TMEM243: variants seen among roughly 807,000 people sequenced by gnomAD.
The protein encoded by TMEM243 is transmembrane protein 243.
A neutral mutation model predicts 15.0 loss-of-function variants in TMEM243; 20 were observed. That is an observed-to-expected ratio of 1.33 (90% CI 0.94 to 1.93). The LOEUF (loss-of-function observed/expected upper bound fraction) is 1.93. TMEM243 is among the 30% of genes most tolerant of loss of function. The pLI is 0.00. For missense variants in TMEM243, 156 were observed against 142.1 expected, an observed-to-expected ratio of 1.10 and a Z score of -0.50; for synonymous variants, 72 against 52.7, an observed-to-expected ratio of 1.37 and a Z score of -1.59.
chr7:87,213,819 T>C (rs1415112680), intron 1 of TMEM243, among the ~76,000 whole-genome samples: 1 of 151,648 alleles, frequency 6.6e-6, no homozygotes, highest in African/African-American at 2.4e-5. Context: ...TAAAGGAAGA[T>C]ACTTTTGTCT....
chr7:87,203,175 AT>A (rs1406033374), intron 1 of TMEM243: 1 of 152,222 alleles, frequency 6.6e-6, no homozygotes, highest in Non-Finnish European at 1.5e-5. Context: ...TTCCATGGCA[AT>A]GTTTTGCCTA....
rs902766390 is a variant in TMEM243 at position 87,218,367 on chromosome 7, G to C, written c.78+1059C>G. Among the ~76,000 whole-genome samples the C allele has an allele frequency of 1.7e-4, 26 of 152,156 alleles. 1 individual carries two copies. Among genetic ancestry groups the C allele is most frequent in the Admixed American group, 1.4e-3 (22 of 15,282 alleles). On this transcript the variant is annotated intron_variant, in intron 1 of 3. Transcript: ENST00000257637. ...TATTAAAACATTTTGAGAAGAGAAA[G>C]TAAAATCCACGTGGAGTTTAAAAAA... is the stretch of plus-strand genomic sequence containing the variant.
chr7:87,199,006 C>T lies in TMEM243; in HGVS notation c.129+1G>A, dbSNP rs772322281. ...GTGAGGCACAAAATGAGGATACTTA[C>T]TAGAATCAATAAGGATGTTAAGCTG... On this transcript the variant is annotated splice_donor_variant, in intron 2 of 3. Transcript: ENST00000257637. LOFTEE classifies it high-confidence loss of function. 2.5e-6 allele frequency: 4 copies of T among 1,598,548 alleles called. No individual in the cohort carries two copies. The Admixed American group carries it at 5.3e-5, about 21-fold the overall frequency.
Position 87,201,582 on chromosome 7 carries a change from G to A in TMEM243, c.79-2525C>T, listed in dbSNP as rs563123312. On this transcript the variant is annotated intron_variant, in intron 1 of 3. Transcript: ENST00000257637. ...CCCAATCTCCAAAGAGGATAATAGA[G>A]AATAATTAAATAGCTAGTTAATTAA... 1.4e-4 allele frequency among the ~76,000 whole-genome samples: 21 copies of A among 152,268 alleles called. No individual in the cohort carries two copies. In the South Asian group the frequency reaches 4.3e-3, roughly 32 times the overall value.
intron 1 of TMEM243, among the ~76,000 whole-genome samples, chr7:87,209,755 CGAGACAGT>C (rs1802567134): frequency 3.3e-3 from 48 of 14,366 alleles, no homozygotes; most frequent in East Asian, 4.2e-3. Flanking sequence ...AGACACAGAG[CGAGACAGT>C]GAGAGCGAGA....
intron 1 of TMEM243, 38 bp downstream of exon 1, chr7:87,219,388 A>AC (rs752774438): frequency 3.1e-5 from 50 of 1,599,532 alleles, no homozygotes; most frequent in Middle Eastern, 1.7e-4. Flanking sequence ...CAGCAGACAC[A>AC]CCCCCCATCC....
At chr7:87,218,035 T>A (rs73210238) in intron 1 of TMEM243, among the ~76,000 whole-genome samples, 32 of 152,386 alleles carry the variant, frequency 2.1e-4, no homozygotes, top group Non-Finnish European at 4.0e-4. Context: ...AGGCACTCTC[T>A]TAGTTCTTGG....
intron 1 of TMEM243, among the ~76,000 whole-genome samples, chr7:87,215,817 G>A (rs926732745): frequency 2.6e-5 from 4 of 152,190 alleles, no homozygotes; most frequent in Admixed American, 6.5e-5. Context: ...TCTTACAAAA[G>A]ATGAACACCT....
At chr7:87,199,974 T>C (rs1306872175) in intron 1 of TMEM243, among the ~76,000 whole-genome samples, 1 of 152,150 alleles carries the variant, frequency 6.6e-6, no homozygotes, top group Admixed American at 6.5e-5. Flanking sequence ...GATAATGGTC[T>C]GAGCAGAGAA....
chr7:87,201,022 A>G (rs1272868846), intron 1 of TMEM243, among the ~76,000 whole-genome samples: 1 of 152,206 alleles, frequency 6.6e-6, no homozygotes, highest in East Asian at 1.9e-4. Flanking sequence ...ATATATCTAA[A>G]CTTTAATGAA....
At chr7:87,197,616 G>T (rs753741454) in intron 3 of TMEM243, 106 of 732,412 alleles carry the variant, frequency 1.4e-4, no homozygotes, top group Middle Eastern at 8.4e-4. Context: ...AAGACTGTTG[G>T]CCCTTACGTA....
chr7:87,197,573 A>C (rs1001833429), intron 3 of TMEM243: 7 of 453,012 alleles, frequency 1.5e-5, no homozygotes, highest in Non-Finnish European at 2.2e-5. Flanking sequence ...AGAGTGCTCT[A>C]TCTCTTCCCT....
At chr7:87,203,547 C>CA (rs986470340) in intron 1 of TMEM243, among the ~76,000 whole-genome samples, 27 of 149,978 alleles carry the variant, frequency 1.8e-4, no homozygotes, top group African/African-American at 6.7e-4. Context: ...TCCAGGAGGT[C>CA]AAGAGTGCAG....
In TMEM243 at chr7:87,209,926, TGAGA is replaced by T. The variant is rs1429656609; in HGVS notation, c.78+9496_78+9499del. ...AGTGAGAGACAGAGAGAGAGGACAG[TGAGA>T]GAGAAACAGGAGGGGGACAGAGAGA... On this transcript the variant is annotated intron_variant, in intron 1 of 3. Transcript: ENST00000257637. 1.5e-4 allele frequency among the ~76,000 whole-genome samples: 14 copies of T among 95,172 alleles called. No homozygotes were observed. The South Asian group carries it at 5.3e-3, about 36-fold the overall frequency. The allele number at this position is 95,172 out of a possible 152,430, so 62.4% of individuals were successfully genotyped here.
At chr7:87,208,452 A>G (rs1369569612) in intron 1 of TMEM243, among the ~76,000 whole-genome samples, 1 of 152,204 alleles carries the variant, frequency 6.6e-6, no homozygotes, top group Admixed American at 6.5e-5. Flanking sequence ...GTAGGTTCCC[A>G]TGGTTTTGGG....
chr7:87,208,072 G>A (rs1268390718), intron 1 of TMEM243, among the ~76,000 whole-genome samples: 1 of 152,210 alleles, frequency 6.6e-6, no homozygotes, highest in Middle Eastern at 3.4e-3. Flanking sequence ...AGGAGATTTG[G>A]GTAGAGACAC....
intron 1 of TMEM243, among the ~76,000 whole-genome samples, chr7:87,205,738 T>C (rs1440139176): frequency 6.6e-6 from 1 of 152,094 alleles, no homozygotes; most frequent in Non-Finnish European, 1.5e-5. Context: ...TCAACAAGTC[T>C]CTAGGAAGGA....
chr7:87,198,858 T>A (rs1310508022), intron 2 of TMEM243, 149 bp downstream of exon 2: 1 of 627,604 alleles, frequency 1.6e-6, no homozygotes, highest in Non-Finnish European at 2.7e-6. Context: ...TGGGGCAGAA[T>A]TAAATTAGCT....
intron 1 of TMEM243, among the ~76,000 whole-genome samples, chr7:87,217,463 C>T (rs931964243): frequency 3.9e-5 from 6 of 152,194 alleles, no homozygotes; most frequent in African/African-American, 1.4e-4. Context: ...TCCTCAGGCC[C>T]TCAAATCTTC....
Sources: allele counts gnomAD v4.1 joint callset (sites outside exome capture counted in the v4.1 genomes callset), GRCh38; gene constraint gnomAD v4.1.1; transcripts MANE v1.5; gene names NCBI Gene and HGNC (gene_info 2026-07-23, HGNC 2026-07-21).